Variants in IQCJ observed in about 807,000 individuals in gnomAD.
IQCJ encodes IQ motif containing J, also known as IQ domain-containing protein J.
In IQCJ, 9 loss-of-function variants were observed where a neutral mutation model predicts 11.0. The observed-to-expected ratio is 0.82, with a 90% CI of 0.49 to 1.43. The LOEUF (loss-of-function observed/expected upper bound fraction) is 1.43, where lower values mean the gene tolerates loss of function less well. IQCJ is among the 40% of genes most tolerant of loss of function. IQCJ has a pLI of 0.00. For missense variants in IQCJ, 146 were observed against 133.2 expected (o/e 1.10, Z -0.47); for synonymous variants, 55 against 51.3 (o/e 1.07, Z -0.31).
At chr3:159,151,133 C>T (rs73164372) in intron 1 of IQCJ, among the ~76,000 whole-genome samples, 37,671 of 152,054 alleles carry the variant, frequency 0.25, 5,698 homozygotes, top group South Asian at 0.4. Flanking sequence ...TCCCAGAGCC[C>T]GGCTCTTTGG....
intron 1 of IQCJ, among the ~76,000 whole-genome samples, chr3:159,188,926 G>A (rs1488255478): frequency 6.6e-6 from 1 of 152,176 alleles, no homozygotes; most frequent in African/African-American, 2.4e-5. Context: ...CCTTAAACTA[G>A]AATCTGAAGC....
intron 3 of IQCJ, among the ~76,000 whole-genome samples, chr3:159,257,388 C>T (rs940155547): frequency 1.3e-5 from 2 of 152,164 alleles, no homozygotes; most frequent in African/African-American, 4.8e-5. Context: ...AGATCCAGGA[C>T]CCAAATTGCC....
At chr3:159,077,408 G>A (rs1255303328) in intron 1 of IQCJ, among the ~76,000 whole-genome samples, 1 of 152,058 alleles carries the variant, frequency 6.6e-6, no homozygotes, top group Non-Finnish European at 1.5e-5. Flanking sequence ...GTGAAGTTTT[G>A]GTTGCAGCAT....
chr3:159,142,835 A>G (rs1720706586), intron 1 of IQCJ, among the ~76,000 whole-genome samples: 1 of 152,194 alleles, frequency 6.6e-6, no homozygotes. Context: ...TATAGTCTTA[A>G]TAATTTGATT....
intron 1 of IQCJ, among the ~76,000 whole-genome samples, chr3:159,161,101 C>T (rs902615947): frequency 7.2e-5 from 11 of 152,166 alleles, no homozygotes; most frequent in African/African-American, 2.2e-4. Flanking sequence ...CCTGAGGAAT[C>T]GCCACATCCA....
chr3:159,108,006 C>CAAAAAAAAAAAAA (rs367862873), intron 1 of IQCJ, among the ~76,000 whole-genome samples: 1 of 100,942 alleles, frequency 9.9e-6, no homozygotes, highest in Non-Finnish European at 1.8e-5. Context: ...TATGGTTTTC[C>CAAAAAAAAAAAAA]AAAAAAAAAA....
chr3:159,085,250 T>C (rs1442416726), intron 1 of IQCJ, among the ~76,000 whole-genome samples: 2 of 151,656 alleles, frequency 1.3e-5, no homozygotes, highest in Non-Finnish European at 2.9e-5. Flanking sequence ...CATGAACTCA[T>C]CATTTTTTAT....
chr3:159,136,672 T>A (rs1300553051), intron 1 of IQCJ, among the ~76,000 whole-genome samples: 1 of 152,208 alleles, frequency 6.6e-6, no homozygotes, highest in East Asian at 1.9e-4. Context: ...AGGGTCTTTC[T>A]GGGGTCTCTT....
At chr3:159,091,409 T>C (rs1453838227) in intron 1 of IQCJ, among the ~76,000 whole-genome samples, 4 of 151,734 alleles carry the variant, frequency 2.6e-5, no homozygotes, top group African/African-American at 7.3e-5. Context: ...TCTTACCTTG[T>C]GGAAAGAGTT....
At chr3:159,155,613 A>C (rs945757462) in intron 1 of IQCJ, among the ~76,000 whole-genome samples, 1 of 152,202 alleles carries the variant, frequency 6.6e-6, no homozygotes, top group Non-Finnish European at 1.5e-5. Context: ...TTACAGGAAA[A>C]CTTTAAACAA....
At chr3:159,201,735 C>T (rs58603180) in intron 1 of IQCJ, among the ~76,000 whole-genome samples, 5,227 of 144,956 alleles carry the variant, frequency 0.036, 249 homozygotes, top group African/African-American at 0.11. Context: ...CCCGGGTTCA[C>T]GCCATTCACC....
intron 1 of IQCJ, among the ~76,000 whole-genome samples, chr3:159,132,234 G>A (rs1720032868): frequency 6.6e-6 from 1 of 152,158 alleles, no homozygotes; most frequent in African/African-American, 2.4e-5. Context: ...TTACCTTGGG[G>A]TTGTCTCCTT....
chr3:159,242,214 G>A (rs1324628420), intron 1 of IQCJ, among the ~76,000 whole-genome samples: 1 of 152,126 alleles, frequency 6.6e-6, no homozygotes, highest in Admixed American at 6.5e-5. Flanking sequence ...GTTACATACG[G>A]CTCTATAGGC....
chr3:159,100,904 G>A (rs199718434), intron 1 of IQCJ, among the ~76,000 whole-genome samples: 1,223 of 28,592 alleles, frequency 0.043, no homozygotes, highest in East Asian at 0.18. Context: ...CACCCAGTTC[G>A]AGCTTCCGGG....
chr3:159,103,275 G>C (rs898837229), intron 1 of IQCJ, among the ~76,000 whole-genome samples: 2 of 152,140 alleles, frequency 1.3e-5, no homozygotes, highest in South Asian at 4.1e-4. Context: ...GAAATACGTG[G>C]TTTTCCTGTC....
intron 1 of IQCJ, among the ~76,000 whole-genome samples, chr3:159,215,808 A>G (rs1725192091): frequency 6.6e-6 from 1 of 152,048 alleles, no homozygotes; most frequent in African/African-American, 2.4e-5. Flanking sequence ...TTAACAATGC[A>G]TTATTTTTTT....
intron 1 of IQCJ, among the ~76,000 whole-genome samples, chr3:159,236,499 G>C (rs1002115761): frequency 2.0e-5 from 3 of 152,166 alleles, no homozygotes; most frequent in Non-Finnish European, 4.4e-5. Context: ...TTCAACAGAG[G>C]TTTGGACTCC....
chr3:159,092,584 G>A (rs972479897), intron 1 of IQCJ, among the ~76,000 whole-genome samples: 3 of 151,566 alleles, frequency 2.0e-5, no homozygotes, highest in Non-Finnish European at 2.9e-5. Context: ...TGTAGTCCCA[G>A]CTACTCGGGA....
chr3:159,152,083 C>G (rs1485173624), intron 1 of IQCJ, among the ~76,000 whole-genome samples: 1 of 152,172 alleles, frequency 6.6e-6, no homozygotes, highest in Non-Finnish European at 1.5e-5. Flanking sequence ...ACAAAGCACT[C>G]TACTGGATGG....
Sources: allele counts gnomAD v4.1 joint callset (sites outside exome capture counted in the v4.1 genomes callset), GRCh38; gene constraint gnomAD v4.1.1; transcripts MANE v1.5; gene names NCBI Gene and HGNC (gene_info 2026-07-23, HGNC 2026-07-21).